Variants in TSPAN9 observed in about 807,000 individuals in gnomAD.
TSPAN9 encodes tetraspanin 9.
In TSPAN9, 16 loss-of-function variants were observed where a neutral mutation model predicts 31.0. The ratio of observed to expected loss-of-function variants is 0.52; its 90% CI spans 0.35 to 0.78. The LOEUF is 0.78. TSPAN9 is among the 30% of genes least tolerant of loss of function. The pLI is 0.01. For synonymous variants in TSPAN9, 145 were observed against 121.6 expected (o/e 1.19, Z -1.27); for missense variants, 272 against 312.5 (o/e 0.87, Z 0.98).
chr12:3,141,588 G>C, intron 2 of TSPAN9, among the ~76,000 whole-genome samples: 1 of 152,072 alleles, frequency 6.6e-6, no homozygotes. Context: ...ATTTGCCCTT[G>C]GCTGTGTCTC....
At chr12:3,156,046 C>A (rs4766050) in intron 2 of TSPAN9, among the ~76,000 whole-genome samples, 149,597 of 152,326 alleles carry the variant, frequency 0.98, 73,512 homozygotes, top group East Asian at 1. Flanking sequence ...TTTATTAGTT[C>A]TTTAAAAAAC....
intron 2 of TSPAN9, among the ~76,000 whole-genome samples, chr12:3,129,767 T>C (rs556637081): frequency 6.6e-6 from 1 of 152,344 alleles, no homozygotes; most frequent in East Asian, 1.9e-4. Context: ...GCCTTTTTCA[T>C]CTTCATAATT....
At chr12:3,132,454 T>G (rs1171724465) in intron 2 of TSPAN9, among the ~76,000 whole-genome samples, 3 of 152,038 alleles carry the variant, frequency 2.0e-5, no homozygotes, top group Non-Finnish European at 4.4e-5. Context: ...TTTAAAAAAA[T>G]TATGGCCATC....
intron 5 of TSPAN9, among the ~76,000 whole-genome samples, chr12:3,279,527 G>GC (rs1369210414): frequency 6.6e-6 from 1 of 152,242 alleles, no homozygotes; most frequent in Non-Finnish European, 1.5e-5. Flanking sequence ...TCTGTTTCCT[G>GC]CACTAGAGCC....
At chr12:3,266,533 G>A (rs1331588768) in intron 3 of TSPAN9, among the ~76,000 whole-genome samples, 2 of 152,182 alleles carry the variant, frequency 1.3e-5, no homozygotes, top group Non-Finnish European at 2.9e-5. Context: ...TGGGGAAACT[G>A]TGGACAGGCC....
rs567787418 is a variant in TSPAN9 at position 3,212,840 on chromosome 12, A to T, written c.63+11584A>T. On this transcript the variant is annotated intron_variant, in intron 3 of 8. Coordinates refer to ENST00000011898, the MANE Select transcript of TSPAN9 (RefSeq NM_006675.5). ...GTCTTCTGATCAGAACAGGGTTTGTAGAGGAGGCAGGCTCTCCAGGGACTA... is the reference window on the plus strand; with the variant it reads ...GTCTTCTGATCAGAACAGGGTTTGTTGAGGAGGCAGGCTCTCCAGGGACTA... Among the ~76,000 whole-genome samples, 115 of 152,294 alleles carry T rather than the reference A, an allele frequency of 7.6e-4. 2 individuals carry two copies. Among genetic ancestry groups the T allele is most frequent in the African/African-American group, 2.7e-3 (111 of 41,562 alleles).
intron 2 of TSPAN9, among the ~76,000 whole-genome samples, chr12:3,109,084 C>A (rs887521781): frequency 1.3e-5 from 2 of 151,916 alleles, no homozygotes; most frequent in Non-Finnish European, 2.9e-5. Context: ...TACAGGCACT[C>A]GCCACCACGC....
rs573932586 is a variant in TSPAN9 at position 3,079,074 on chromosome 12, G to A, written c.-85+1621G>A. Among the ~76,000 whole-genome samples, 10 of 151,974 alleles carry A rather than the reference G, an allele frequency of 6.6e-5. No individual in the cohort carries two copies. The South Asian group carries it at 1.7e-3, about 25-fold the overall frequency. On this transcript the variant is annotated intron_variant, in intron 1 of 8. Coordinates refer to ENST00000011898, the MANE Select transcript of TSPAN9 (RefSeq NM_006675.5). ...AGCTCACTGCAACCCCCGCGTCCCA[G>A]GTTCAAGCCATTCTCCTGCCTCAGC...
At chr12:3,221,196 G>T (rs2098384334) in intron 3 of TSPAN9, among the ~76,000 whole-genome samples, 1 of 152,006 alleles carries the variant, frequency 6.6e-6, no homozygotes, top group Non-Finnish European at 1.5e-5. Context: ...TCCTTTACTG[G>T]TCCCTTCCCT....
At position 3,172,444 on chromosome 12, in the gene TSPAN9, T is replaced by C. The variant is rs1327792941; in HGVS notation, c.-17-28733T>C. ...TTATCTCTAAAACGAGAGAGATTAA[T>C]AACTGGTGGTTCTTAGTCTGGCGCG... On this transcript the variant is annotated intron_variant, in intron 2 of 8. Coordinates refer to ENST00000011898, the MANE Select transcript of TSPAN9 (RefSeq NM_006675.5). The surrounding 1 kb of genome is among the most constrained non-coding windows in gnomAD (Gnocchi z 4.8). The C allele has an allele frequency of 1.3e-5, 2 of 152,300 alleles. No homozygotes were observed. Among genetic ancestry groups the C allele is most frequent in the Non-Finnish European group, 2.9e-5 (2 of 68,076 alleles). The allele number at this position is 152,300 out of a possible 1,614,324, so 9.4% of individuals were successfully genotyped here.
chr12:3,139,139 T>C (rs1446764376), intron 2 of TSPAN9, among the ~76,000 whole-genome samples: 1 of 152,138 alleles, frequency 6.6e-6, no homozygotes. Flanking sequence ...TGGCATCCTC[T>C]CAGGTTTCAG....
chr12:3,099,890 G>A (rs2041724106), intron 2 of TSPAN9, among the ~76,000 whole-genome samples: 1 of 144,028 alleles, frequency 6.9e-6, no homozygotes, highest in African/African-American at 2.6e-5. Flanking sequence ...CGCCCAGGCT[G>A]GAGTGCAGTG....
At chr12:3,099,376 GTGTT>G (rs1283710103) in intron 2 of TSPAN9, among the ~76,000 whole-genome samples, 1 of 152,112 alleles carries the variant, frequency 6.6e-6, no homozygotes, top group Admixed American at 6.6e-5. Context: ...TTCCATTTGA[GTGTT>G]TGTTGTATCT....
At chr12:3,184,961 G>T (rs531992940) in intron 2 of TSPAN9, among the ~76,000 whole-genome samples, 23 of 152,160 alleles carry the variant, frequency 1.5e-4, no homozygotes, top group Non-Finnish European at 1.5e-5. Flanking sequence ...AGGCATCCTT[G>T]CTTTGTTACT....
chr12:3,100,420 T>C (rs1482326016), intron 2 of TSPAN9, among the ~76,000 whole-genome samples: 1 of 152,204 alleles, frequency 6.6e-6, no homozygotes. Flanking sequence ...TGGACTCCAT[T>C]TGGATTCCTG....
chr12:3,173,723 T>G (rs1179281013), intron 2 of TSPAN9: 2 of 152,126 alleles, frequency 1.3e-5, no homozygotes, highest in Non-Finnish European at 2.9e-5. Flanking sequence ...GACCTCCTGG[T>G]CTCAAGTGAT....
intron 2 of TSPAN9, among the ~76,000 whole-genome samples, chr12:3,095,778 G>C (rs1333320062): frequency 6.7e-6 from 1 of 149,736 alleles, no homozygotes; most frequent in East Asian, 2.0e-4. Flanking sequence ...TAGATGTGAT[G>C]GCGGCTGGGA....
At chr12:3,179,132 C>T (rs2098357451) in intron 2 of TSPAN9, among the ~76,000 whole-genome samples, 1 of 152,118 alleles carries the variant, frequency 6.6e-6, no homozygotes, top group Non-Finnish European at 1.5e-5. Context: ...GCTGCGGGGC[C>T]CGGCCGAGAG....
In TSPAN9 at chr12:3,232,868, G is replaced by T. The variant is rs3782808; in HGVS notation, c.63+31612G>T. 2.0e-5 allele frequency among the ~76,000 whole-genome samples: 3 copies of T among 152,330 alleles called. No individual in the cohort carries two copies. The East Asian group carries it at 5.8e-4, about 29-fold the overall frequency. ...GCTCACTCCATTTGGGGAAGTTTTAGCCATAGGAAGTTTTCTTGCTGGGCC... is the reference window on the plus strand; with the variant it reads ...GCTCACTCCATTTGGGGAAGTTTTATCCATAGGAAGTTTTCTTGCTGGGCC... On this transcript the variant is annotated intron_variant, in intron 3 of 8. Coordinates refer to ENST00000011898, the MANE Select transcript of TSPAN9 (RefSeq NM_006675.5).
Sources: allele counts gnomAD v4.1 joint callset (sites outside exome capture counted in the v4.1 genomes callset), GRCh38; gene constraint gnomAD v4.1.1; non-coding constraint Gnocchi (gnomAD v3.1); transcripts MANE v1.5; gene names NCBI Gene and HGNC (gene_info 2026-07-23, HGNC 2026-07-21).